RUFY2: variants seen among roughly 807,000 people sequenced by gnomAD.
The protein encoded by RUFY2 is RUN and FYVE domain containing 2.
Under a neutral mutation model 94.4 loss-of-function variants are expected in RUFY2, and 49 were observed. The ratio of observed to expected loss-of-function variants is 0.52; its 90% CI spans 0.41 to 0.66. The LOEUF is 0.66. RUFY2 is among the 30% of genes least tolerant of loss of function. The probability of loss-of-function intolerance (pLI) is 0.00; values close to 1 mark genes in which losing one functional copy is unlikely to be tolerated. For missense variants in RUFY2, 541 were observed against 692.8 expected, an observed-to-expected ratio of 0.78 and a Z score of 2.46; for synonymous variants, 255 against 235.7, an observed-to-expected ratio of 1.08 and a Z score of -0.75.
chr10:68,356,013 C>G (rs909862488), intron 15 of RUFY2, among the ~76,000 whole-genome samples: 3 of 151,398 alleles, frequency 2.0e-5, no homozygotes, highest in African/African-American at 7.3e-5. Context: ...TGTGCCTTTG[C>G]ATGCATAATC....
intron 16 of RUFY2, among the ~76,000 whole-genome samples, chr10:68,354,659 C>G (rs141720886): frequency 6.6e-6 from 1 of 152,114 alleles, no homozygotes; most frequent in African/African-American, 2.4e-5. Flanking sequence ...AGCAACCCTA[C>G]GCAGAATCAT....
At chr10:68,357,054 C>A (rs992493883) in intron 15 of RUFY2, among the ~76,000 whole-genome samples, 4 of 151,566 alleles carry the variant, frequency 2.6e-5, no homozygotes, top group African/African-American at 7.3e-5. Flanking sequence ...GTGATCCCAG[C>A]TACTCAGGAG....
intron 10 of RUFY2, among the ~76,000 whole-genome samples, chr10:68,383,546 G>C (rs1447102032): frequency 6.6e-6 from 1 of 152,006 alleles, no homozygotes; most frequent in African/African-American, 2.4e-5. Context: ...CTTGAACCCG[G>C]GAGGCAGAGG....
At position 68,344,038 on chromosome 10, in the gene RUFY2, CCATCCCACCTATCAATA is replaced by C. The variant is rs1234892257; in HGVS notation, c.*1713_*1729del. ...ATTCAGTAATCATAAAAATGTTAGC[CCATCCCACCTATCAATA>C]CAAAATGGTTCAAGAATATAATCCT... On this transcript the variant is annotated 3_prime_UTR_variant, in exon 18 of 18. Transcript: ENST00000602465. 6.6e-6 allele frequency: 1 copy of C among 151,958 alleles called. No individual in the cohort carries two copies. The highest frequency in any genetic ancestry group is 1.5e-5 in the Non-Finnish European group (1 of 67,986). 9.4% of individuals were successfully genotyped at this position (151,958 alleles called of 1,614,324 possible).
chr10:68,371,726 T>C (rs1218648242), intron 13 of RUFY2, among the ~76,000 whole-genome samples: 1 of 151,946 alleles, frequency 6.6e-6, no homozygotes, highest in African/African-American at 2.4e-5. Context: ...AACCTACACA[T>C]ATAAGAAGCT....
At chr10:68,401,234 G>A (rs934465166) in intron 3 of RUFY2, among the ~76,000 whole-genome samples, 1 of 152,196 alleles carries the variant, frequency 6.6e-6, no homozygotes, top group Non-Finnish European at 1.5e-5. Flanking sequence ...TCTGAGAACT[G>A]GAATATCCTG....
chr10:68,376,440 GTGTATATATATATA>G (rs57942396), intron 13 of RUFY2, among the ~76,000 whole-genome samples: 60 of 48,266 alleles, frequency 1.2e-3, no homozygotes, highest in East Asian at 2.9e-3. Context: ...AAAAAAATGT[GTGTATATATATATA>G]TATATATATA....
intron 16 of RUFY2, among the ~76,000 whole-genome samples, chr10:68,349,607 C>T (rs576404305): frequency 1.3e-5 from 2 of 151,922 alleles, no homozygotes; most frequent in East Asian, 1.9e-4. Context: ...GGTGCAATCT[C>T]GGCTCACTGC....
chr10:68,369,703 C>T (rs1359510664), intron 13 of RUFY2, among the ~76,000 whole-genome samples: 1 of 152,078 alleles, frequency 6.6e-6, no homozygotes, highest in Non-Finnish European at 1.5e-5. Flanking sequence ...AGGAGGATCA[C>T]TTGAGTCTAG....
chr10:68,341,850 T>C (rs1377120274), downstream of RUFY2: 4 of 1,608,882 alleles, frequency 2.5e-6, no homozygotes, highest in East Asian at 4.5e-5. Context: ...TGGGTGGTTA[T>C]GGTAAGTATC....
At chr10:68,394,184 A>C (rs1034874901) in intron 5 of RUFY2, 48 bp from the exon 6 acceptor site, 2 of 1,496,082 alleles carry the variant, frequency 1.3e-6, no homozygotes, top group African/African-American at 2.8e-5. Context: ...AAAATACTTT[A>C]TCAGAAGTAC....
chr10:68,388,175 G>A (rs999498332), intron 7 of RUFY2, among the ~76,000 whole-genome samples: 4 of 151,684 alleles, frequency 2.6e-5, no homozygotes, highest in African/African-American at 9.7e-5. Context: ...GGAATAATAG[G>A]CGAATTCAGG....
intron 1 of RUFY2, chr10:68,406,971 C>A (rs1352982628): frequency 6.5e-7 from 1 of 1,536,736 alleles, no homozygotes; most frequent in Admixed American, 2.0e-5. Context: ...CCTCAGAACC[C>A]GGGCGGGAAC....
chr10:68,354,403 T>C (rs996511357), intron 16 of RUFY2, among the ~76,000 whole-genome samples: 3 of 152,120 alleles, frequency 2.0e-5, no homozygotes, highest in African/African-American at 7.2e-5. Context: ...CTTGAACTCC[T>C]GGCCTCAAGC....
intron 1 of RUFY2, chr10:68,406,974 G>C: frequency 6.5e-7 from 1 of 1,537,276 alleles, no homozygotes; most frequent in African/African-American, 1.4e-5. Flanking sequence ...CAGAACCCGG[G>C]CGGGAACGGG....
chr10:68,370,208 C>T lies in RUFY2; in HGVS notation c.1326-6095G>A, dbSNP rs565310947. ...GCTGAGGCACAAGAATCGCTAGAAC[C>T]GGGGAGGCAGAGGTTGCAGTGAGCC... On this transcript the variant is annotated intron_variant, in intron 13 of 17. Coordinates refer to ENST00000602465, the MANE Select transcript of RUFY2 (RefSeq NM_001330103.2). Among the ~76,000 whole-genome samples the T allele has an allele frequency of 1.6e-4, 25 of 152,090 alleles. No individual in the cohort carries two copies. The East Asian group carries it at 2.1e-3, about 13-fold the overall frequency.
At chr10:68,372,139 T>G (rs1452790062) in intron 13 of RUFY2, among the ~76,000 whole-genome samples, 1 of 152,180 alleles carries the variant, frequency 6.6e-6, no homozygotes, top group Non-Finnish European at 1.5e-5. Flanking sequence ...CCAGGTGCAG[T>G]GGCTCACGCC....
intron 1 of RUFY2, 126 bp downstream of exon 1, chr10:68,407,060 G>C (rs1430151407): frequency 1.4e-6 from 2 of 1,474,394 alleles, no homozygotes; most frequent in Non-Finnish European, 1.8e-6. Flanking sequence ...CGCCCATCCT[G>C]GGTTCGGGCC....
chr10:68,364,114 C>T lies in RUFY2; in HGVS notation c.1326-1G>A. ...CTTCAAGTCAGTTTCCAGTTGCACC[C>T]TTGAATGACAAATAACACACAGAAG... On this transcript the variant is annotated splice_acceptor_variant, in intron 13 of 17. Coordinates refer to ENST00000602465, the MANE Select transcript of RUFY2 (RefSeq NM_001330103.2). LOFTEE classifies it high-confidence loss of function. The T allele has an allele frequency of 1.2e-6, 2 of 1,610,662 alleles. No homozygotes were observed. The highest frequency in any genetic ancestry group is 1.7e-6 in the Non-Finnish European group (2 of 1,178,316).
Sources: gnomAD v4.1 joint callset for allele counts (sites outside exome capture counted in the v4.1 genomes callset) on GRCh38, gnomAD v4.1.1 for gene constraint, MANE v1.5 for transcripts, NCBI Gene and HGNC (gene_info 2026-07-23, HGNC 2026-07-21) for gene names.